The following NUP153 variants were observed in gnomAD, a reference collection of about 807,000 sequenced individuals.
The protein encoded by NUP153 is nucleoporin 153.
Under a neutral mutation model 134.6 loss-of-function variants are expected in NUP153, and 27 were observed. The ratio of observed to expected loss-of-function variants is 0.20; its 90% CI spans 0.15 to 0.28. The LOEUF (loss-of-function observed/expected upper bound fraction) is 0.28, where lower values mean the gene tolerates loss of function less well. Ranked by LOEUF, NUP153 falls within the 10% of genes least tolerant of loss-of-function variation. The pLI, the probability that NUP153 is intolerant of heterozygous loss-of-function variation, is 1.00. For synonymous variants in NUP153, 640 were observed against 623.5 expected (o/e 1.03, Z -0.40); for missense variants, 1,821 against 1,731.3 (o/e 1.05, Z -0.92).
chr6:17,685,889 T>G (rs944469614), intron 2 of NUP153, among the ~76,000 whole-genome samples: 8 of 151,992 alleles, frequency 5.3e-5, no homozygotes, highest in Admixed American at 1.3e-4. Flanking sequence ...GGCTCACACC[T>G]GTAATCTCAG....
chr6:17,660,089 G>T (rs1369175405), intron 11 of NUP153, among the ~76,000 whole-genome samples: 2 of 152,152 alleles, frequency 1.3e-5, no homozygotes, highest in African/African-American at 2.4e-5. Context: ...ATTCTGGTGA[G>T]CTATAGTACT....
At chr6:17,622,982 C>T (rs1764722772) in intron 20 of NUP153, among the ~76,000 whole-genome samples, 1 of 151,778 alleles carries the variant, frequency 6.6e-6, no homozygotes, top group South Asian at 2.1e-4. Context: ...TATAAAAAAT[C>T]AGCCAGGTGT....
At chr6:17,663,130 G>C (rs978035593) in intron 9 of NUP153, among the ~76,000 whole-genome samples, 1 of 151,560 alleles carries the variant, frequency 6.6e-6, no homozygotes, top group Non-Finnish European at 1.5e-5. Context: ...TTGTTAATAA[G>C]AACACAGAGA....
intron 1 of NUP153, among the ~76,000 whole-genome samples, chr6:17,700,959 C>T (rs574890278): frequency 2.0e-5 from 3 of 152,346 alleles, no homozygotes; most frequent in African/African-American, 7.2e-5. Flanking sequence ...GTGGCTCATG[C>T]CTGTAATCCC....
At chr6:17,691,001 G>T (rs528216437) in intron 1 of NUP153, among the ~76,000 whole-genome samples, 10 of 152,136 alleles carry the variant, frequency 6.6e-5, no homozygotes, top group Non-Finnish European at 1.3e-4. Context: ...AATTAGCCGG[G>T]TGTGGTGGTG....
At chr6:17,659,247 C>T (rs996157875) in intron 11 of NUP153, among the ~76,000 whole-genome samples, 1 of 152,216 alleles carries the variant, frequency 6.6e-6, no homozygotes, top group African/African-American at 2.4e-5. Flanking sequence ...TTTCCAAGAG[C>T]TTGTCGAATC....
At position 17,641,581 on chromosome 6, in the gene NUP153, C is replaced by T. The variant is rs557136892; in HGVS notation, c.1721-1517G>A. Among the ~76,000 whole-genome samples, 4 of 151,436 alleles carry T rather than the reference C, an allele frequency of 2.6e-5. No homozygotes were observed. In the South Asian group the frequency reaches 8.4e-4, roughly 32 times the overall value. On this transcript the variant is annotated intron_variant, in intron 14 of 21. Coordinates refer to ENST00000262077, the MANE Select transcript of NUP153 (RefSeq NM_005124.4). ...ACAAACAAACAAAAAGGCCAGGCAG[C>T]GGTGGCTCACGCCTGTAATCCCAGC...
chr6:17,626,733 A>ACAAAG (rs1369589433), intron 18 of NUP153, among the ~76,000 whole-genome samples: 2 of 152,214 alleles, frequency 1.3e-5, no homozygotes, highest in Non-Finnish European at 2.9e-5. Flanking sequence ...TATTAGTAGG[A>ACAAAG]CAAAGCTGCC....
intron 1 of NUP153, among the ~76,000 whole-genome samples, chr6:17,701,241 C>T (rs1770045563): frequency 6.8e-6 from 1 of 146,594 alleles, no homozygotes; most frequent in Non-Finnish European, 1.5e-5. Flanking sequence ...AAAAAAAAAG[C>T]TAAATGCGCC....
At position 17,638,276 on chromosome 6, in the gene NUP153, A is replaced by G. The variant is rs1360053087; in HGVS notation, c.1847-506T>C. ...CTGAGCAAGTCCTTCTGTTACCAAAACTGCTGTCATTGAGTTCATTCACTC... is the reference window on the plus strand; with the variant it reads ...CTGAGCAAGTCCTTCTGTTACCAAAGCTGCTGTCATTGAGTTCATTCACTC... On this transcript the variant is annotated intron_variant, in intron 15 of 21. Transcript: ENST00000262077. The surrounding 1 kb of genome is among the most constrained non-coding windows in gnomAD (Gnocchi z 4.0). 6.6e-6 allele frequency among the ~76,000 whole-genome samples: 1 copy of G among 152,110 alleles called. No individual in the cohort carries two copies. The highest frequency in any genetic ancestry group is 1.9e-4 in the East Asian group (1 of 5,194).
At chr6:17,672,094 TA>T (rs1478135404) in intron 5 of NUP153, among the ~76,000 whole-genome samples, 1 of 151,774 alleles carries the variant, frequency 6.6e-6, no homozygotes, top group Non-Finnish European at 1.5e-5. Context: ...GCAAAGGACC[TA>T]AAAAAGCCAA....
At chr6:17,633,385 C>A (rs1408424408) in intron 16 of NUP153, among the ~76,000 whole-genome samples, 2 of 152,238 alleles carry the variant, frequency 1.3e-5, no homozygotes, top group Non-Finnish European at 2.9e-5. Context: ...ATCCACTTCA[C>A]AATCTAACTT....
At chr6:17,622,614 A>C (rs145018406) in intron 20 of NUP153, among the ~76,000 whole-genome samples, 2,660 of 152,262 alleles carry the variant, frequency 0.017, 44 homozygotes, top group Middle Eastern at 0.051. Flanking sequence ...CCTTTTCTCA[A>C]TTCTTTAACT....
chr6:17,622,290 C>A (rs1764681928), intron 20 of NUP153, among the ~76,000 whole-genome samples: 1 of 152,032 alleles, frequency 6.6e-6, no homozygotes, highest in Non-Finnish European at 1.5e-5. Flanking sequence ...TCTCTACAAA[C>A]CACGCCCCCC....
intron 11 of NUP153, among the ~76,000 whole-genome samples, chr6:17,654,065 G>A (rs1442178292): frequency 6.6e-6 from 1 of 152,116 alleles, no homozygotes; most frequent in African/African-American, 2.4e-5. Flanking sequence ...AACACAAAAT[G>A]TTGGAATCTA....
At chr6:17,684,563 T>C (rs1768798565) in intron 2 of NUP153, among the ~76,000 whole-genome samples, 1 of 152,234 alleles carries the variant, frequency 6.6e-6, no homozygotes, top group South Asian at 2.1e-4. Context: ...TGCTTTCATA[T>C]TATCCTTTGT....
intron 14 of NUP153, 117 bp from the exon 15 acceptor site, chr6:17,640,181 AAG>A: frequency 1.3e-6 from 1 of 778,484 alleles, no homozygotes; most frequent in South Asian, 2.7e-5. Context: ...TTCATGAAAA[AAG>A]TCACTTTAAT....
At position 17,633,716 on chromosome 6, in the gene NUP153, T is replaced by C. The variant is rs76072554; in HGVS notation, c.2465-872A>G. On this transcript the variant is annotated intron_variant, in intron 16 of 21. Transcript: ENST00000262077. ...GAACGGCTTGGTAAGGCCCAAAATA[T>C]AGTGCTGACAGTGAAGCCATTCATT... Among the ~76,000 whole-genome samples the C allele has an allele frequency of 6.1e-3, 936 of 152,272 alleles. 7 individuals carry two copies. The highest frequency in any genetic ancestry group is 9.3e-3 in the Non-Finnish European group (635 of 68,022).
intron 8 of NUP153, among the ~76,000 whole-genome samples, chr6:17,666,030 G>A (rs1329973627): frequency 1.4e-5 from 2 of 147,992 alleles, no homozygotes; most frequent in African/African-American, 5.0e-5. Flanking sequence ...TTGCTGTGTT[G>A]CCCAGGCTGA....
Sources: gnomAD v4.1 joint callset for allele counts (sites outside exome capture counted in the v4.1 genomes callset) on GRCh38, gnomAD v4.1.1 for gene constraint, Gnocchi (gnomAD v3.1) non-coding constraint, MANE v1.5 for transcripts, NCBI Gene and HGNC (gene_info 2026-07-23, HGNC 2026-07-21) for gene names.